IQSEC3: variants seen among roughly 807,000 people sequenced by gnomAD.
IQSEC3 encodes the protein IQ motif and Sec7 domain ArfGEF 3, also known as IQ motif and SEC7 domain-containing protein 3.
IQSEC3 carries 50 observed loss-of-function variants against 105.4 expected under a neutral mutation model. That is an observed-to-expected ratio of 0.47 (90% CI 0.38 to 0.60). The LOEUF (loss-of-function observed/expected upper bound fraction) is 0.60. IQSEC3 is among the 20% of genes least tolerant of loss of function. The probability of loss-of-function intolerance (pLI) is 0.00; values close to 1 mark genes in which losing one functional copy is unlikely to be tolerated. For synonymous variants in IQSEC3, 708 were observed against 746.0 expected (o/e 0.95, Z 0.83); for missense variants, 1,415 against 1,630.0 (o/e 0.87, Z 2.27).
chr12:126,160 G>A (rs1236544800), intron 3 of IQSEC3, among the ~76,000 whole-genome samples: 2 of 152,184 alleles, frequency 1.3e-5, no homozygotes, highest in African/African-American at 2.4e-5. Flanking sequence ...CAGGGGCTCT[G>A]CTCCTCACAC....
rs782043924 is a variant in IQSEC3 at position 168,970 on chromosome 12, G to GAGGTTAAGGTTTCTCTTGCTC, written c.2972-41_2972-21dup. On this transcript the variant is annotated intron_variant, in intron 11 of 13. Coordinates refer to ENST00000538872, the MANE Select transcript of IQSEC3 (RefSeq NM_001170738.2). ...TTTCCTGCCTCGCCTCTGTGTGGTT[G>GAGGTTAAGGTTTCTCTTGCTC]AGGTTAAGGTTTCTCTTGCTCACGG... The GAGGTTAAGGTTTCTCTTGCTC allele has an allele frequency of 6.5e-6, 10 of 1,541,306 alleles. No homozygotes were observed. The South Asian group carries it at 1.1e-4, about 17-fold the overall frequency.
At position 174,709 on chromosome 12, in the gene IQSEC3, G is replaced by A. The variant is rs1213020947; in HGVS notation, c.3225G>A (p.Gln1075=). The A allele has an allele frequency of 6.3e-7, 1 of 1,593,948 alleles. No individual in the cohort carries two copies. The highest frequency in any genetic ancestry group is 8.5e-7 in the Non-Finnish European group (1 of 1,178,336). Residue 1075 remains glutamine, a synonymous_variant, in exon 14 of 14, where the codon CAG becomes CAA. Coordinates refer to ENST00000538872, the MANE Select transcript of IQSEC3 (RefSeq NM_001170738.2). The part of the protein sequence containing the change: ...PDLQPSPPRQ[Q]TPPLPPPPPT... The stretch of plus-strand genomic sequence containing the variant: ...TGCAGCCTAGCCCCCCGAGACAGCA[G>A]ACCCCACCACTGCCGCCGCCGCCAC...
intron 1 of IQSEC3, among the ~76,000 whole-genome samples, chr12:79,927 G>C (rs1500098): frequency 0.45 from 68,818 of 151,992 alleles, 17,271 homozygotes; most frequent in Non-Finnish European, 0.57. Flanking sequence ...CCTATATGCT[G>C]TTCTGCACCT....
In IQSEC3 at chr12:138,251, G is replaced by T; in HGVS notation, c.904-16G>T. 6.3e-7 allele frequency: 1 copy of T among 1,599,508 alleles called. No individual in the cohort carries two copies. On this transcript the variant is annotated splice_polypyrimidine_tract_variant and intron_variant, in intron 3 of 13. Coordinates refer to ENST00000538872, the MANE Select transcript of IQSEC3 (RefSeq NM_001170738.2). This position sits in a 1 kb window ranked among gnomAD's most constrained non-coding sequence, Gnocchi z 7.1. ...CCCCTCTGAGCCCTTCCTCCTCTCT[G>T]TCCTCGTCCTTGCAGATTGAAATGC...
intron 3 of IQSEC3, among the ~76,000 whole-genome samples, chr12:131,005 C>G (rs1865573624): frequency 2.0e-5 from 1 of 49,744 alleles, no homozygotes; most frequent in Non-Finnish European, 4.2e-5. Flanking sequence ...ACTGTGCCCC[C>G]CAGCTAGCGG....
At chr12:115,306 CAT>C (rs1565406455) in intron 2 of IQSEC3, among the ~76,000 whole-genome samples, 1 of 152,158 alleles carries the variant, frequency 6.6e-6, no homozygotes, top group African/African-American at 2.4e-5. Context: ...ACCCAAGAAA[CAT>C]GTGCTCTGCT....
chr12:148,616 T>C (rs1255733473), intron 5 of IQSEC3: 1 of 152,260 alleles, frequency 6.6e-6, no homozygotes, highest in Non-Finnish European at 1.5e-5. Flanking sequence ...CATCGCACTT[T>C]GCCAAAACGC....
At chr12:131,479 C>T (rs1865599174) in intron 3 of IQSEC3, among the ~76,000 whole-genome samples, 1 of 152,200 alleles carries the variant, frequency 6.6e-6, no homozygotes, top group South Asian at 2.1e-4. Context: ...ACTGAGTCCC[C>T]AGGTCCTGCC....
intron 7 of IQSEC3, among the ~76,000 whole-genome samples, chr12:159,128 T>C (rs1866799449): frequency 6.6e-6 from 1 of 152,242 alleles, no homozygotes; most frequent in Non-Finnish European, 1.5e-5. Flanking sequence ...TGCAGAATGA[T>C]TGCAACTCCC....
intron 1 of IQSEC3, among the ~76,000 whole-genome samples, chr12:83,654 G>C (rs1028442386): frequency 6.0e-5 from 9 of 151,124 alleles, no homozygotes; most frequent in Non-Finnish European, 8.9e-5. Context: ...GCATCACAGT[G>C]GGCCTTCTGA....
chr12:164,412 C>A (rs1867072919), intron 9 of IQSEC3, among the ~76,000 whole-genome samples: 1 of 152,134 alleles, frequency 6.6e-6, no homozygotes, highest in South Asian at 2.1e-4. Context: ...TCCCCTTTCC[C>A]TAACCTGCCT....
At chr12:164,068 A>AGAT (rs1867054796) in intron 9 of IQSEC3, among the ~76,000 whole-genome samples, 2 of 152,196 alleles carry the variant, frequency 1.3e-5, no homozygotes, top group Non-Finnish European at 2.9e-5. Context: ...CTGTACCCAC[A>AGAT]GATACTTTTT....
intron 5 of IQSEC3, among the ~76,000 whole-genome samples, chr12:156,338 C>T (rs540419262): frequency 1.3e-5 from 2 of 152,324 alleles, no homozygotes; most frequent in South Asian, 2.1e-4. Flanking sequence ...ACACCAAGTT[C>T]GCAGGAGGGC....
chr12:93,812 T>C (rs935706473), intron 1 of IQSEC3, among the ~76,000 whole-genome samples: 5 of 151,918 alleles, frequency 3.3e-5, no homozygotes, highest in East Asian at 1.9e-4. Flanking sequence ...CTCTGGGGAG[T>C]TGGGGGTGAG....
chr12:141,465 C>T, intron 5 of IQSEC3, 180 bp downstream of exon 5: 1 of 620,792 alleles, frequency 1.6e-6, no homozygotes. Flanking sequence ...GGAGCCCTGT[C>T]TCCCGTCAGA....
At position 139,296 on chromosome 12, in the gene IQSEC3, C is replaced by T. The variant is rs782519499; in HGVS notation, c.1933C>T (p.Leu645Phe). 1 of 1,604,856 alleles carries T rather than the reference C, an allele frequency of 6.2e-7. No individual in the cohort carries two copies. Among genetic ancestry groups the T allele is most frequent in the Non-Finnish European group, 8.5e-7 (1 of 1,176,294 alleles). Residue 645 changes from leucine (L) to phenylalanine (F), a missense_variant, in exon 4 of 14, where the codon CTC becomes TTC. Coordinates refer to ENST00000538872, the MANE Select transcript of IQSEC3 (RefSeq NM_001170738.2). Reference sequence around the variant, plus strand: ...CCCAGCCAGCTGCAAGTCGCCCACGCTCTCCACCGACACCCTGCGCAAGCG... The same window carrying T: ...CCCAGCCAGCTGCAAGTCGCCCACGTTCTCCACCGACACCCTGCGCAAGCG... ...ENPASCKSPT[L>F]STDTLRKRLY...
chr12:165,508 G>A lies in IQSEC3; in HGVS notation c.2784G>A (p.Met928Ile), dbSNP rs1867125958. ...TFCKSVGLLG[M>I]QFQLFENEYY... ...GCAAGTCAGTTGGCCTGCTGGGCAT[G>A]CAGTTCCAGCTCTTTGAGAACGAGT... Residue 928 changes from methionine to isoleucine, a missense_variant, in exon 10 of 14, where the codon ATG (methionine) becomes ATA (isoleucine). Physicochemically the swap from Met to Ile is conservative, Grantham distance 10. This residue lies in a region of IQSEC3 where 419 missense variants were observed against 436.2 expected (regional missense o/e 0.96). Coordinates refer to ENST00000538872, the MANE Select transcript of IQSEC3 (RefSeq NM_001170738.2). 1.2e-6 allele frequency: 2 copies of A among 1,612,190 alleles called. No individual in the cohort carries two copies. Among genetic ancestry groups the A allele is most frequent in the Non-Finnish European group, 1.7e-6 (2 of 1,178,854 alleles).
intron 5 of IQSEC3, among the ~76,000 whole-genome samples, chr12:153,256 C>T (rs921255330): frequency 1.3e-4 from 20 of 152,236 alleles, no homozygotes; most frequent in African/African-American, 4.8e-4. Flanking sequence ...CCCCAGCCAC[C>T]TTCCCCAGGA....
rs770537767 is a variant in IQSEC3 at position 75,969 on chromosome 12, G to A, written c.554+8533G>A. Reference sequence around the variant, plus strand: ...ACTGCCCCCGGCAATAAACAGAACCGACCCCAATCCTAGCTATGAGCAGGG... The same window carrying A: ...ACTGCCCCCGGCAATAAACAGAACCAACCCCAATCCTAGCTATGAGCAGGG... On this transcript the variant is annotated intron_variant, in intron 1 of 13. Coordinates refer to ENST00000538872, the MANE Select transcript of IQSEC3 (RefSeq NM_001170738.2). 4.6e-5 allele frequency among the ~76,000 whole-genome samples: 7 copies of A among 152,332 alleles called. No individual in the cohort carries two copies. In the South Asian group the frequency reaches 1.0e-3, roughly 23 times the overall value.
Sources: gnomAD v4.1 joint callset for allele counts (sites outside exome capture counted in the v4.1 genomes callset) on GRCh38, gnomAD v4.1.1 for gene constraint, gnomAD v4.1.1 regional missense constraint, Gnocchi (gnomAD v3.1) non-coding constraint, MANE v1.5 for transcripts, NCBI Gene and HGNC (gene_info 2026-07-23, HGNC 2026-07-21) for gene names.